The following CAPN5 variants were observed in gnomAD, a reference collection of about 807,000 sequenced individuals.
CAPN5 encodes the protein calpain-5.
In CAPN5, 54 loss-of-function variants were observed where a neutral mutation model predicts 73.0. The ratio of observed to expected loss-of-function variants is 0.74; its 90% CI spans 0.59 to 0.93. CAPN5 has a LOEUF of 0.93. CAPN5 is among the 40% of genes least tolerant of loss of function. The pLI, the probability that CAPN5 is intolerant of heterozygous loss-of-function variation, is 0.00. For missense variants in CAPN5, 785 were observed against 882.9 expected (o/e 0.89, Z 1.41); for synonymous variants, 335 against 356.9 (o/e 0.94, Z 0.69).
At chr11:77,113,401 G>C (rs543572368) in intron 4 of CAPN5, among the ~76,000 whole-genome samples, 1 of 152,312 alleles carries the variant, frequency 6.6e-6, no homozygotes, top group South Asian at 2.1e-4. Flanking sequence ...AGTGACTCGC[G>C]CAGGCCGTTG....
At chr11:77,088,513 A>C (rs2135428961) in intron 2 of CAPN5, among the ~76,000 whole-genome samples, 1 of 152,054 alleles carries the variant, frequency 6.6e-6, no homozygotes, top group South Asian at 2.1e-4. Flanking sequence ...GAGGAGAAGG[A>C]GGTAGGGCTG....
chr11:77,086,953 A>G (rs116168114), intron 2 of CAPN5, among the ~76,000 whole-genome samples: 1 of 151,838 alleles, frequency 6.6e-6, no homozygotes, highest in East Asian at 1.9e-4. Context: ...GCCATGCCAC[A>G]CCTCCTCCTC....
intron 2 of CAPN5, among the ~76,000 whole-genome samples, chr11:77,090,876 G>A (rs868952008): frequency 1.8e-4 from 27 of 152,344 alleles, no homozygotes; most frequent in Non-Finnish European, 2.6e-4. Flanking sequence ...GAAGACAGGA[G>A]GGCAGCGGGG....
At chr11:77,081,022 C>T (rs943544966) in intron 1 of CAPN5, among the ~76,000 whole-genome samples, 18 of 152,158 alleles carry the variant, frequency 1.2e-4, no homozygotes, top group African/African-American at 2.7e-4. Flanking sequence ...TCTGACTCAC[C>T]GCTGCCCTGG....
Position 77,120,908 on chromosome 11 carries a change from C to T in CAPN5, c.1486C>T (p.Arg496Trp), listed in dbSNP as rs371034722. 179 of 1,611,184 alleles carry T rather than the reference C, an allele frequency of 1.1e-4. No homozygotes were observed. Among genetic ancestry groups the T allele is most frequent in the Non-Finnish European group, 4.3e-5 (51 of 1,177,964 alleles). ...CTTCACTGATGTGCCCTCCAACTGC[C>T]GGTACTTGGGGGCTGGCTTGAGGCC... ...RVFTDVPSNC[R>W]ELRLDEPPHT... The change falls in exon 10 of 13, where the codon CGG becomes TGG. Residue 496 changes from arginine (R) to tryptophan (W), a missense_variant and splice_region_variant. By Grantham distance (101) the Arg-to-Trp change is moderately radical. Coordinates refer to ENST00000648180, the MANE Select transcript of CAPN5 (RefSeq NM_004055.5).
In CAPN5 at chr11:77,112,581, C is replaced by A. The variant is rs782007859; in HGVS notation, c.298-8C>A. On this transcript the variant is annotated splice_region_variant and splice_polypyrimidine_tract_variant and intron_variant, in intron 3 of 12. Coordinates refer to ENST00000648180, the MANE Select transcript of CAPN5 (RefSeq NM_004055.5). ...TTCCCCCATCCTATCCCCCCTCCCC[C>A]TACCCAGGTCATCCCAGACTGGAAG... 5.6e-6 allele frequency: 9 copies of A among 1,612,838 alleles called. No homozygotes were observed. In the East Asian group the frequency reaches 6.7e-5, roughly 12 times the overall value.
intron 2 of CAPN5, among the ~76,000 whole-genome samples, chr11:77,093,323 A>G (rs1165047935): frequency 2.0e-5 from 3 of 152,184 alleles, no homozygotes; most frequent in Non-Finnish European, 4.4e-5. Flanking sequence ...TAGAGAAGGA[A>G]GGGAATGGAG....
chr11:77,084,469 G>A (rs1052750324), intron 1 of CAPN5, among the ~76,000 whole-genome samples: 5 of 152,190 alleles, frequency 3.3e-5, no homozygotes, highest in African/African-American at 4.8e-5. Flanking sequence ...AGAGGCACAC[G>A]CTGCTTTCCT....
At chr11:77,069,740 GT>G (rs1949883073) in intron 1 of CAPN5, among the ~76,000 whole-genome samples, 1 of 152,192 alleles carries the variant, frequency 6.6e-6, no homozygotes, top group Admixed American at 6.5e-5. Context: ...CTATTCAAGT[GT>G]TTTGAGTGCC....
At chr11:77,098,882 C>T (rs1950248899) in intron 3 of CAPN5, among the ~76,000 whole-genome samples, 1 of 136,870 alleles carries the variant, frequency 7.3e-6, no homozygotes, top group Non-Finnish European at 1.6e-5. Flanking sequence ...AGACGCTCCT[C>T]ACTTCCCAGA....
intron 1 of CAPN5, among the ~76,000 whole-genome samples, chr11:77,075,804 A>T (rs1472398206): frequency 6.6e-6 from 1 of 152,118 alleles, no homozygotes; most frequent in African/African-American, 2.4e-5. Flanking sequence ...GTCAAGAAGT[A>T]GTTTTACCGG....
intron 7 of CAPN5, among the ~76,000 whole-genome samples, chr11:77,116,699 C>A (rs1166127308): frequency 1.3e-5 from 2 of 152,228 alleles, no homozygotes; most frequent in African/African-American, 4.8e-5. Flanking sequence ...CTATGCCCAG[C>A]CCCTCTCCAG....
chr11:77,101,085 C>A (rs1555038754), intron 3 of CAPN5, among the ~76,000 whole-genome samples: 1 of 152,258 alleles, frequency 6.6e-6, no homozygotes, highest in African/African-American at 2.4e-5. Flanking sequence ...GTCCCGTGGT[C>A]CATCACATCA....
At chr11:77,082,648 G>T (rs1019383790) in intron 1 of CAPN5, among the ~76,000 whole-genome samples, 6 of 152,164 alleles carry the variant, frequency 3.9e-5, no homozygotes, top group Non-Finnish European at 8.8e-5. Flanking sequence ...ACGGTATCAG[G>T]CCCTCAGCCA....
intron 3 of CAPN5, among the ~76,000 whole-genome samples, 172 bp downstream of exon 3, chr11:77,093,985 C>T (rs75081334): frequency 0.02 from 3,072 of 152,350 alleles, 83 homozygotes; most frequent in African/African-American, 0.069. Context: ...CCATCCCTCA[C>T]CCTTCAGCTG....
At chr11:77,107,351 C>T (rs1565272557) in intron 3 of CAPN5, among the ~76,000 whole-genome samples, 1 of 152,212 alleles carries the variant, frequency 6.6e-6, no homozygotes, top group Non-Finnish European at 1.5e-5. Context: ...GCCCTGGCGG[C>T]GTGGCTCAGA....
At position 77,097,883 on chromosome 11, in the gene CAPN5, C is replaced by T. The variant is rs1486323296; in HGVS notation, c.297+4070C>T. 3.7e-5 allele frequency among the ~76,000 whole-genome samples: 3 copies of T among 80,084 alleles called. No homozygotes were observed. In the South Asian group the frequency reaches 1.6e-3, roughly 44 times the overall value. 52.5% of individuals were successfully genotyped at this position (80,084 alleles called of 152,430 possible). On this transcript the variant is annotated intron_variant, in intron 3 of 12. Coordinates refer to ENST00000648180, the MANE Select transcript of CAPN5 (RefSeq NM_004055.5). ...CCATGTCTACTTCTTTCTACACAGA[C>T]ACGGCAACCATCCGATTTCTCAATC...
intron 3 of CAPN5, chr11:77,102,876 A>G (rs1555039120): frequency 1.9e-6 from 3 of 1,609,540 alleles, no homozygotes; most frequent in African/African-American, 2.7e-5. Context: ...GCAGCTGGAC[A>G]TGCCGCTGGT....
intron 3 of CAPN5, among the ~76,000 whole-genome samples, chr11:77,099,545 C>G (rs1336278086): frequency 1.4e-3 from 206 of 151,376 alleles, no homozygotes; most frequent in African/African-American, 4.8e-3. Flanking sequence ...CCGGCCAACA[C>G]AGCGAAACCC....
Sources: allele counts gnomAD v4.1 joint callset (sites outside exome capture counted in the v4.1 genomes callset), GRCh38; gene constraint gnomAD v4.1.1; transcripts MANE v1.5; gene names NCBI Gene and HGNC (gene_info 2026-07-23, HGNC 2026-07-21).